Variants in CHRNA3 observed in about 807,000 individuals in gnomAD.
CHRNA3 encodes the protein cholinergic receptor nicotinic alpha 3 subunit.
Under a neutral mutation model 41.9 loss-of-function variants are expected in CHRNA3, and 34 were observed. The observed-to-expected ratio is 0.81, with a 90% CI of 0.62 to 1.08. CHRNA3 has a LOEUF of 1.08. CHRNA3 is among the 50% of genes least tolerant of loss of function. The probability of loss-of-function intolerance (pLI) is 0.00; values close to 1 mark genes in which losing one functional copy is unlikely to be tolerated. For missense variants in CHRNA3, 542 were observed against 638.3 expected, an observed-to-expected ratio of 0.85 and a Z score of 1.63; for synonymous variants, 281 against 265.2, an observed-to-expected ratio of 1.06 and a Z score of -0.58.
Position 78,601,941 on chromosome 15 carries a change from G to A in CHRNA3, c.701C>T (p.Ser234Leu), listed in dbSNP as rs56371320. 1.6e-5 allele frequency: 25 copies of A among 1,610,742 alleles called. No homozygotes were observed. Among genetic ancestry groups the A allele is most frequent in the Non-Finnish European group, 1.7e-5 (20 of 1,178,614 alleles). Reference protein sequence around the residue: ...CEEIYPDITYSLYIRRLPLFY... With the variant: ...CEEIYPDITYLLYIRRLPLFY... ...CAAGGGCAGGCGCCGGATGTACAGCGAGTATGTGATGTCGGGGTAGATCTC... is the reference window on the plus strand; with the variant it reads ...CAAGGGCAGGCGCCGGATGTACAGCAAGTATGTGATGTCGGGGTAGATCTC... Residue 234 changes from serine (S) to leucine (L), a missense_variant, in exon 5 of 6, where the codon TCG (serine) becomes TTG (leucine). Physicochemically the swap from Ser to Leu is moderately radical, Grantham distance 145 (BLOSUM62 -2). Coordinates refer to ENST00000326828, the MANE Select transcript of CHRNA3 (RefSeq NM_000743.5).
At chr15:78,609,507 A>C (rs374142648) in intron 4 of CHRNA3, among the ~76,000 whole-genome samples, 2 of 152,326 alleles carry the variant, frequency 1.3e-5, no homozygotes, top group East Asian at 1.9e-4. Flanking sequence ...GAAATAAAAT[A>C]CTTTACAGAC....
At chr15:78,618,354 T>G (rs2053496905) in intron 3 of CHRNA3, 3 of 512,710 alleles carry the variant, frequency 5.9e-6, no homozygotes, top group Non-Finnish European at 1.1e-5. Flanking sequence ...TTCTGTTGTG[T>G]GAACATGGAG....
intron 4 of CHRNA3, chr15:78,607,340 C>CA (rs1253370821): frequency 9.2e-5 from 14 of 152,056 alleles, no homozygotes; most frequent in Non-Finnish European, 2.1e-4. Flanking sequence ...TGCCAGAACA[C>CA]AGAGTATACA....
chr15:78,617,166 C>A, intron 3 of CHRNA3, 33 bp from the exon 4 acceptor site: 2 of 1,454,058 alleles, frequency 1.4e-6, no homozygotes, highest in Non-Finnish European at 1.9e-6. Flanking sequence ...GAGAAGGAGA[C>A]GGTAAAAGAA....
chr15:78,619,064 T>A, intron 1 of CHRNA3, 149 bp from the exon 2 acceptor site: 1 of 915,946 alleles, frequency 1.1e-6, no homozygotes, highest in Non-Finnish European at 1.6e-6. Flanking sequence ...TCTAACCCAG[T>A]GGGTTACAAA....
chr15:78,616,354 C>T (rs1200907201), intron 4 of CHRNA3, among the ~76,000 whole-genome samples: 2 of 111,476 alleles, frequency 1.8e-5, no homozygotes, highest in East Asian at 4.5e-4. Context: ...CAGTCTTCCC[C>T]CCCCCACCCC....
rs1475403169 is a variant in CHRNA3, at chr15:78,620,857, C to T, written c.-63G>A. 13 of 1,320,440 alleles carry T rather than the reference C, an allele frequency of 9.8e-6. No homozygotes were observed. Among genetic ancestry groups the T allele is most frequent in the Non-Finnish European group, 1.1e-5 (12 of 1,043,780 alleles). 81.8% of individuals were successfully genotyped at this position (1,320,440 alleles called of 1,614,324 possible). On this transcript the variant is annotated 5_prime_UTR_variant, in exon 1 of 6. Transcript: ENST00000326828. The stretch of plus-strand genomic sequence containing the variant: ...GGAGCGGGCGCGGCGGTCGCAGAGA[C>T]GGCCTCTCCCCGCGCGGCTCCAGCG...
At chr15:78,619,684 CTTGGG>C (rs1320626534) in intron 1 of CHRNA3, 3 of 152,418 alleles carry the variant, frequency 2.0e-5, no homozygotes, top group Non-Finnish European at 2.9e-5. Context: ...CTCTGCAACC[CTTGGG>C]CACCCCTCTT....
intron 4 of CHRNA3, among the ~76,000 whole-genome samples, chr15:78,614,292 C>T (rs2053429804): frequency 6.6e-6 from 1 of 152,168 alleles, no homozygotes; most frequent in Non-Finnish European, 1.5e-5. Flanking sequence ...CTACACCCTG[C>T]CCAGTTCCCT....
At chr15:78,602,754 G>C (rs2053225776) in intron 4 of CHRNA3, among the ~76,000 whole-genome samples, 2 of 152,134 alleles carry the variant, frequency 1.3e-5, no homozygotes, top group Admixed American at 6.5e-5. Context: ...AGACCACCCA[G>C]GGGAGTCCAC....
At position 78,618,895 on chromosome 15, in the gene CHRNA3, C is replaced by A. The variant is rs528579731; in HGVS notation, c.103G>T (p.Glu35Ter). Residue 35 changes from glutamate to a stop codon, truncating the protein, a stop_gained, in exon 2 of 6, where the codon GAG becomes TAG. Coordinates refer to ENST00000326828, the MANE Select transcript of CHRNA3 (RefSeq NM_000743.5). LOFTEE classifies it high-confidence loss of function. ...LLPVARASEA[E>*]HRLFERLFED... ...AACAGCCGCTCAAATAGACGGTGCTCAGCCTCTGAGGCCCTGGCCACTGTG... is the reference window on the plus strand; with the variant it reads ...AACAGCCGCTCAAATAGACGGTGCTAAGCCTCTGAGGCCCTGGCCACTGTG... 6.2e-7 allele frequency: 1 copy of A among 1,613,620 alleles called. No homozygotes were observed. The highest frequency in any genetic ancestry group is 1.1e-5 in the South Asian group (1 of 91,066).
chr15:78,600,972 G>C (rs1234836335), intron 5 of CHRNA3, among the ~76,000 whole-genome samples: 1 of 152,132 alleles, frequency 6.6e-6, no homozygotes, highest in Non-Finnish European at 1.5e-5. Flanking sequence ...CTAGTCTATT[G>C]GCATCAGGTG....
chr15:78,600,769 T>C (rs2053184929), intron 5 of CHRNA3, among the ~76,000 whole-genome samples: 1 of 151,238 alleles, frequency 6.6e-6, no homozygotes, highest in African/African-American at 2.5e-5. Context: ...CTCGGGAAAC[T>C]GAGGTGGGAG....
chr15:78,597,154 C>T (rs2053125922), intron 5 of CHRNA3, among the ~76,000 whole-genome samples: 1 of 152,186 alleles, frequency 6.6e-6, no homozygotes, highest in African/African-American at 2.4e-5. Flanking sequence ...AAATTTGGCG[C>T]AGTGGCTCAC....
chr15:78,603,588 CAA>C (rs1239557379), intron 4 of CHRNA3, among the ~76,000 whole-genome samples: 2 of 152,218 alleles, frequency 1.3e-5, no homozygotes, highest in African/African-American at 4.8e-5. Flanking sequence ...TAAACAATGA[CAA>C]AGCCTAAACA....
At chr15:78,613,265 G>A (rs1234221963) in intron 4 of CHRNA3, among the ~76,000 whole-genome samples, 4 of 152,088 alleles carry the variant, frequency 2.6e-5, no homozygotes, top group African/African-American at 9.7e-5. Flanking sequence ...AAAGACACAT[G>A]CACACGTATG....
At position 78,602,059 on chromosome 15, in the gene CHRNA3, A is replaced by T. The variant is rs1448213990; in HGVS notation, c.583T>A (p.Ser195Thr). 1 of 1,614,130 alleles carries T rather than the reference A, an allele frequency of 6.2e-7. No homozygotes were observed. The highest frequency in any genetic ancestry group is 1.7e-5 in the Admixed American group (1 of 60,016). The part of the protein sequence containing the change: ...AKIDLVLIGS[S>T]MNLKDYWESG... ...TCCCAATAGTCCTTGAGGTTCATGG[A>T]AGAGCCGATCAGGACCAGATCGATT... The change falls in exon 5 of 6, where the codon TCC (serine) becomes ACC (threonine). Residue 195 changes from serine (S) to threonine (T), a missense_variant. Physicochemically the swap from Ser to Thr is moderately conservative, Grantham distance 58. Transcript: ENST00000326828.
At chr15:78,605,828 T>C (rs1199040393) in intron 4 of CHRNA3, among the ~76,000 whole-genome samples, 1 of 152,048 alleles carries the variant, frequency 6.6e-6, no homozygotes, top group African/African-American at 2.4e-5. Flanking sequence ...CAGCAGCTCG[T>C]GGAGATGCCA....
chr15:78,593,356 C>CTAAA, downstream of CHRNA3: 1 of 1,155,042 alleles, frequency 8.7e-7, no homozygotes, highest in Non-Finnish European at 1.2e-6. Context: ...TTAGTGCAAG[C>CTAAA]TTTAACAGAC....
Sources: gnomAD v4.1 joint callset for allele counts (sites outside exome capture counted in the v4.1 genomes callset) on GRCh38, gnomAD v4.1.1 for gene constraint, MANE v1.5 for transcripts, NCBI Gene and HGNC (gene_info 2026-07-23, HGNC 2026-07-21) for gene names.